RERE: variants seen among roughly 807,000 people sequenced by gnomAD.
The protein encoded by RERE is arginine-glutamic acid dipeptide repeats protein.
In RERE, 40 loss-of-function variants were observed where a neutral mutation model predicts 146.1. The ratio of observed to expected loss-of-function variants is 0.27; its 90% CI spans 0.21 to 0.36. The LOEUF (loss-of-function observed/expected upper bound fraction) is 0.36, where lower values mean the gene tolerates loss of function less well. Among genes scored for constraint, RERE ranks in the 10% least tolerant of loss-of-function variants. RERE has a pLI of 1.00. For missense variants in RERE, 1,933 were observed against 2,138.7 expected, an observed-to-expected ratio of 0.90 and a Z score of 1.90; for synonymous variants, 1,003 against 866.0, an observed-to-expected ratio of 1.16 and a Z score of -2.78.
At position 8,360,544 on chromosome 1, in the gene RERE, AGG is replaced by A; in HGVS notation, c.2961_2962del (p.Leu988AlafsTer114). ...TGGCTGGCTCTGAGGCATGAGTTGCAGGGGTGGGGGGTGAGCCGACGGGGGGT... is the reference window on the plus strand; with the variant it reads ...TGGCTGGCTCTGAGGCATGAGTTGCAGGTGGGGGGTGAGCCGACGGGGGGT... On this transcript the variant is annotated frameshift_variant, in exon 18 of 23. Coordinates refer to ENST00000400908, the MANE Select transcript of RERE (RefSeq NM_001042681.2). LOFTEE classifies it high-confidence loss of function. The A allele has an allele frequency of 1.6e-6, 1 of 628,186 alleles. No individual in the cohort carries two copies. The highest frequency in any genetic ancestry group is 2.0e-6 in the Non-Finnish European group (1 of 499,466). The allele number at this position is 628,186 out of a possible 1,614,324, so 38.9% of individuals were successfully genotyped here. A position where few individuals can be genotyped will look rare whatever the true frequency, so the allele number is the denominator to read the frequency against.
At chr1:8,606,031 G>T (rs1199407074) in intron 4 of RERE, among the ~76,000 whole-genome samples, 1 of 151,712 alleles carries the variant, frequency 6.6e-6, no homozygotes, top group Non-Finnish European at 1.5e-5. Flanking sequence ...GCCCAGGCTG[G>T]TCTCAAACCC....
intron 1 of RERE, among the ~76,000 whole-genome samples, chr1:8,747,979 T>C (rs1640456822): frequency 6.6e-6 from 1 of 152,188 alleles, no homozygotes; most frequent in African/African-American, 2.4e-5. Context: ...GGTTTCACCA[T>C]GTTGGCTAGC....
rs1643203512 is a variant in RERE, at chr1:8,400,229, T to C, written c.1284+22498A>G. On this transcript the variant is annotated intron_variant, in intron 12 of 22. Coordinates refer to ENST00000400908, the MANE Select transcript of RERE (RefSeq NM_001042681.2). Reference sequence around the variant, plus strand: ...TTTCCATTCCTGTGTCATATGTGTGTGTGTGTGTGTGTGTGTGTGTGTGTG... The same window carrying C: ...TTTCCATTCCTGTGTCATATGTGTGCGTGTGTGTGTGTGTGTGTGTGTGTG... Among the ~76,000 whole-genome samples, 2 of 150,888 alleles carry C rather than the reference T, an allele frequency of 1.3e-5. 1 individual carries two copies. The highest frequency in any genetic ancestry group is 4.2e-4 in the South Asian group (2 of 4,788).
intron 12 of RERE, among the ~76,000 whole-genome samples, chr1:8,416,319 C>T (rs1302914218): frequency 6.6e-6 from 1 of 152,142 alleles, no homozygotes; most frequent in Admixed American, 6.5e-5. Context: ...GGCGCGGTGG[C>T]TCACACCTGT....
intron 1 of RERE, among the ~76,000 whole-genome samples, chr1:8,759,417 G>A (rs1257928767): frequency 6.6e-6 from 1 of 152,224 alleles, no homozygotes; most frequent in Non-Finnish European, 1.5e-5. Flanking sequence ...TGCACCTGAG[G>A]CCTTTGTTGG....
intron 1 of RERE, among the ~76,000 whole-genome samples, chr1:8,788,450 C>T (rs1229033454): frequency 3.3e-5 from 5 of 151,568 alleles, no homozygotes; most frequent in African/African-American, 1.2e-4. Flanking sequence ...CTGCAACCAC[C>T]TCCTCCCAAG....
intron 2 of RERE, among the ~76,000 whole-genome samples, chr1:8,636,999 A>G (rs567605071): frequency 2.0e-5 from 3 of 152,272 alleles, no homozygotes; most frequent in East Asian, 3.9e-4. Flanking sequence ...TTTAAATTTC[A>G]TCCATTAAAT....
intron 2 of RERE, among the ~76,000 whole-genome samples, chr1:8,646,272 C>T (rs956597444): frequency 2.6e-5 from 4 of 151,994 alleles, no homozygotes; most frequent in African/African-American, 7.2e-5. Context: ...GGCTCATGCC[C>T]GTAATCTCAA....
intron 2 of RERE, among the ~76,000 whole-genome samples, chr1:8,636,222 A>G (rs1052537709): frequency 3.3e-5 from 5 of 152,214 alleles, no homozygotes; most frequent in African/African-American, 4.8e-5. Flanking sequence ...TCCCAACCTC[A>G]GGTGATCTAC....
chr1:8,775,692 G>C (rs187296969), intron 1 of RERE, among the ~76,000 whole-genome samples: 92 of 152,088 alleles, frequency 6.0e-4, no homozygotes, highest in Non-Finnish European at 1.2e-3. Flanking sequence ...ATGTTTTCTA[G>C]GAAACAAGTA....
intron 12 of RERE, among the ~76,000 whole-genome samples, chr1:8,388,335 C>T (rs866584576): frequency 7.3e-6 from 1 of 136,726 alleles, no homozygotes; most frequent in Middle Eastern, 4.6e-3. Context: ...TTTTTTGAGA[C>T]GGAGTCTCAC....
intron 12 of RERE, among the ~76,000 whole-genome samples, chr1:8,367,750 G>A (rs936713460): frequency 3.3e-5 from 5 of 152,170 alleles, no homozygotes; most frequent in African/African-American, 4.8e-5. Context: ...CTAGGAATGC[G>A]AGCTACAACT....
chr1:8,750,508 G>A, intron 1 of RERE: 1 of 1,087,764 alleles, frequency 9.2e-7, no homozygotes, highest in Admixed American at 1.7e-5. Context: ...ATTTCACAGA[G>A]CTGAAGATCA....
At chr1:8,659,321 C>T (rs556958848) in intron 1 of RERE, among the ~76,000 whole-genome samples, 145 of 152,360 alleles carry the variant, frequency 9.5e-4, no homozygotes, top group African/African-American at 3.4e-3. Context: ...CTTTGGGAGG[C>T]TGAAGCGGGC....
intron 1 of RERE, among the ~76,000 whole-genome samples, chr1:8,778,059 C>T (rs1174961986): frequency 6.6e-6 from 1 of 152,090 alleles, no homozygotes; most frequent in Non-Finnish European, 1.5e-5. Context: ...AATAAGAATA[C>T]AGCAGCTCAA....
At chr1:8,502,212 G>A (rs1469685647) in intron 8 of RERE, among the ~76,000 whole-genome samples, 28 of 94,972 alleles carry the variant, frequency 2.9e-4, no homozygotes, top group Non-Finnish European at 4.9e-4. Context: ...AGGGAGGTGG[G>A]GGGATCAGCC....
intron 7 of RERE, among the ~76,000 whole-genome samples, chr1:8,533,149 C>G (rs192714367): frequency 6.6e-6 from 1 of 152,138 alleles, no homozygotes; most frequent in African/African-American, 2.4e-5. Context: ...TTCTTCCAGG[C>G]GGAAATCTGG....
At chr1:8,788,904 C>T (rs1263038434) in intron 1 of RERE, among the ~76,000 whole-genome samples, 2 of 150,204 alleles carry the variant, frequency 1.3e-5, no homozygotes, top group Non-Finnish European at 1.5e-5. Flanking sequence ...AGTACAGGGG[C>T]CAGGCAGAGC....
At chr1:8,699,791 A>G (rs899263669) in intron 1 of RERE, among the ~76,000 whole-genome samples, 2 of 152,162 alleles carry the variant, frequency 1.3e-5, no homozygotes, top group Non-Finnish European at 2.9e-5. Context: ...CTGAAGATGG[A>G]CCAATTTCTC....
Sources: gnomAD v4.1 joint callset for allele counts (sites outside exome capture counted in the v4.1 genomes callset) on GRCh38, gnomAD v4.1.1 for gene constraint, MANE v1.5 for transcripts, NCBI Gene and HGNC (gene_info 2026-07-23, HGNC 2026-07-21) for gene names.